SIRPG: variants seen among roughly 807,000 people sequenced by gnomAD.
SIRPG encodes the protein signal-regulatory protein gamma.
SIRPG carries 38 observed loss-of-function variants against 35.7 expected under a neutral mutation model. That is an observed-to-expected ratio of 1.06 (90% CI 0.82 to 1.40). The LOEUF is 1.40. SIRPG is among the 40% of genes most tolerant of loss of function. The pLI, the probability that SIRPG is intolerant of heterozygous loss-of-function variation, is 0.00. For missense variants in SIRPG, 519 were observed against 483.0 expected, an observed-to-expected ratio of 1.07 and a Z score of -0.70; for synonymous variants, 215 against 190.4, an observed-to-expected ratio of 1.13 and a Z score of -1.06.
chr20:1,678,523 GAC>G, the SIRPG span, among the ~76,000 whole-genome samples: 1 of 152,088 alleles, frequency 6.6e-6, no homozygotes, highest in Non-Finnish European at 1.5e-5. Context: ...TGAAATTATT[GAC>G]AGTGAGGTAT....
rs188438113 is a variant in SIRPG at position 1,654,574 on chromosome 20, C to G, written c.73+3068G>C. ...TGGATTAAAGATTTAAATGTAAGATCTGAAACTGTACAAGAACTAGAAGAA... is the reference window on the plus strand; with the variant it reads ...TGGATTAAAGATTTAAATGTAAGATGTGAAACTGTACAAGAACTAGAAGAA... On this transcript the variant is annotated intron_variant, in intron 1 of 5. Coordinates refer to ENST00000303415, the MANE Select transcript of SIRPG (RefSeq NM_018556.4). 2.5e-3 allele frequency among the ~76,000 whole-genome samples: 387 copies of G among 152,302 alleles called. 2 individuals are homozygous for G. The highest frequency in any genetic ancestry group is 6.8e-3 in the Middle Eastern group (2 of 294).
chr20:1,670,757 G>C, the SIRPG span: 10 of 190,214 alleles, frequency 5.3e-5, no homozygotes, highest in Non-Finnish European at 7.5e-5. Flanking sequence ...TAGGTGCATG[G>C]AAGGTGGGCA....
chr20:1,679,833 C>T, the SIRPG span, among the ~76,000 whole-genome samples: 2 of 141,792 alleles, frequency 1.4e-5, no homozygotes, highest in Admixed American at 1.4e-4. Flanking sequence ...CTGATTGGCT[C>T]AACCATTTGG....
At chr20:1,660,386 T>C (rs71330403), upstream of SIRPG, among the ~76,000 whole-genome samples, 1 of 152,116 alleles carries the variant, frequency 6.6e-6, no homozygotes, top group Non-Finnish European at 1.5e-5. Context: ...CACAATATTG[T>C]GGTATATCTT....
the SIRPG span, among the ~76,000 whole-genome samples, chr20:1,667,828 A>G: frequency 6.6e-6 from 1 of 152,218 alleles, no homozygotes; most frequent in Non-Finnish European, 1.5e-5. Flanking sequence ...GGACAGGTAA[A>G]GTCAAAATGC....
intron 1 of SIRPG, among the ~76,000 whole-genome samples, chr20:1,650,825 G>C (rs182490740): frequency 2.6e-4 from 39 of 152,280 alleles, no homozygotes; most frequent in African/African-American, 8.9e-4. Flanking sequence ...TAATTCAACT[G>C]TCAAAAACTA....
chr20:1,672,651 C>T, the SIRPG span, among the ~76,000 whole-genome samples: 1 of 152,218 alleles, frequency 6.6e-6, no homozygotes, highest in South Asian at 2.1e-4. Context: ...GTATGAGACT[C>T]TATTCAGCAC....
the SIRPG span, among the ~76,000 whole-genome samples, chr20:1,663,301 C>T: frequency 6.6e-6 from 1 of 152,230 alleles, no homozygotes; most frequent in East Asian, 1.9e-4. Context: ...GCCTGGGCAA[C>T]AGAGCGAGAC....
intron 2 of SIRPG, 113 bp from the exon 3 acceptor site, chr20:1,636,618 A>C: frequency 2.6e-6 from 3 of 1,158,422 alleles, no homozygotes; most frequent in Non-Finnish European, 1.2e-6. Flanking sequence ...CCTTCTAATA[A>C]TGTGGAGAGG....
the SIRPG span, among the ~76,000 whole-genome samples, chr20:1,673,381 C>G: frequency 6.6e-6 from 1 of 152,092 alleles, no homozygotes. Context: ...GGAGGCCCGG[C>G]TGGCCAAGGA....
At chr20:1,632,706 G>A (rs1411202219) in intron 4 of SIRPG, among the ~76,000 whole-genome samples, 21 of 152,092 alleles carry the variant, frequency 1.4e-4, no homozygotes, top group South Asian at 2.1e-4. Context: ...GGGGCCTCAG[G>A]ACTGAGGGAC....
the SIRPG span, among the ~76,000 whole-genome samples, chr20:1,674,052 T>C: frequency 2.0e-5 from 3 of 152,178 alleles, no homozygotes; most frequent in African/African-American, 4.8e-5. Context: ...AGCATCCACA[T>C]CCAGAAAAGC....
At chr20:1,653,015 A>G (rs1447593046) in intron 1 of SIRPG, among the ~76,000 whole-genome samples, 1 of 152,198 alleles carries the variant, frequency 6.6e-6, no homozygotes, top group African/African-American at 2.4e-5. Context: ...TTTGACAGAA[A>G]ATGAGTTTCC....
intron 2 of SIRPG, 85 bp downstream of exon 2, chr20:1,648,967 C>G: frequency 7.9e-7 from 1 of 1,265,700 alleles, no homozygotes; most frequent in Non-Finnish European, 1.1e-6. Flanking sequence ...AAAATCACAC[C>G]TGATTGTTGC....
At chr20:1,679,869 C>T in the SIRPG span, among the ~76,000 whole-genome samples, 1 of 152,070 alleles carries the variant, frequency 6.6e-6, no homozygotes, top group African/African-American at 2.4e-5. Context: ...TGATGGCTTT[C>T]TTGTACTCTG....
chr20:1,654,465 T>C (rs1412480714), intron 1 of SIRPG, among the ~76,000 whole-genome samples: 4 of 152,138 alleles, frequency 2.6e-5, no homozygotes, highest in Non-Finnish European at 5.9e-5. Flanking sequence ...CTTCAAAAAG[T>C]GGTGCTGGGA....
At chr20:1,657,888 C>T (rs2091984938), upstream of SIRPG, 2 of 578,916 alleles carry the variant, frequency 3.5e-6, no homozygotes, top group Non-Finnish European at 6.0e-6. Flanking sequence ...GCACAGTAGG[C>T]AGCTACAAAG....
chr20:1,649,522 T>C, intron 1 of SIRPG, 114 bp from the exon 2 acceptor site: 1 of 902,694 alleles, frequency 1.1e-6, no homozygotes, highest in African/African-American at 1.7e-5. Flanking sequence ...GAGCAGGACT[T>C]GATCTCAGCA....
the SIRPG span, among the ~76,000 whole-genome samples, chr20:1,674,708 A>G: frequency 6.6e-6 from 1 of 152,188 alleles, no homozygotes; most frequent in Admixed American, 6.5e-5. Flanking sequence ...AGCATTGCAC[A>G]GATAGGGAAA....
Sources: gnomAD v4.1 joint callset for allele counts (sites outside exome capture counted in the v4.1 genomes callset) on GRCh38, gnomAD v4.1.1 for gene constraint, MANE v1.5 for transcripts, NCBI Gene and HGNC (gene_info 2026-07-23, HGNC 2026-07-21) for gene names.